Variants in DGAT1 observed in about 807,000 individuals in gnomAD.
DGAT1 encodes diacylglycerol O-acyltransferase 1, also known as ACAT related gene product 1.
DGAT1 carries 60 observed loss-of-function variants against 72.6 expected under a neutral mutation model. The observed-to-expected ratio is 0.83, with a 90% CI of 0.67 to 1.02. DGAT1 has a LOEUF of 1.02. Ranked by LOEUF, DGAT1 falls within the 50% of genes least tolerant of loss-of-function variation. The probability of loss-of-function intolerance (pLI) is 0.00; values close to 1 mark genes in which losing one functional copy is unlikely to be tolerated. For missense variants in DGAT1, 592 were observed against 670.0 expected (o/e 0.88, Z 1.29); for synonymous variants, 290 against 267.5 (o/e 1.08, Z -0.82).
chr8:144,324,736 C>G (rs1456616256), intron 1 of DGAT1, among the ~76,000 whole-genome samples: 1 of 152,104 alleles, frequency 6.6e-6, no homozygotes, highest in Non-Finnish European at 1.5e-5. Flanking sequence ...GGCGGCTTGG[C>G]CCAAAGCTGG....
At position 144,316,368 on chromosome 8, in the gene DGAT1, C is replaced by T; in HGVS notation, c.*186G>A. 1 of 739,536 alleles carries T rather than the reference C, an allele frequency of 1.4e-6. No homozygotes were observed. Among genetic ancestry groups the T allele is most frequent in the Non-Finnish European group, 2.1e-6 (1 of 469,390 alleles). The allele number at this position is 739,536 out of a possible 1,614,324, so 45.8% of individuals were successfully genotyped here. ...ACTCCCAGCTGGCATCAGACTGTGT[C>T]TGGCCTGCTGTCGCCATCCCTGAGG... On this transcript the variant is annotated 3_prime_UTR_variant, in exon 17 of 17. Coordinates refer to ENST00000528718, the MANE Select transcript of DGAT1 (RefSeq NM_012079.6).
chr8:144,325,318 G>A (rs1817571399), intron 1 of DGAT1, among the ~76,000 whole-genome samples: 1 of 152,114 alleles, frequency 6.6e-6, no homozygotes, highest in Admixed American at 6.5e-5. Context: ...GTTGCTCCAT[G>A]CCTGACTCTC....
At position 144,318,698 on chromosome 8, in the gene DGAT1, C is replaced by T; in HGVS notation, c.468+1G>A. ...ACACGGAGGTGAGGGGCACTGCTTA[C>T]CACCGCCAGGCGCTTCTCAACCTGG... is the stretch of plus-strand genomic sequence containing the variant. On this transcript the variant is annotated splice_donor_variant, in intron 5 of 16. Transcript: ENST00000528718. LOFTEE classifies it high-confidence loss of function. 1.2e-6 allele frequency: 2 copies of T among 1,608,810 alleles called. No individual in the cohort carries two copies. Among genetic ancestry groups the T allele is most frequent in the Non-Finnish European group, 1.7e-6 (2 of 1,178,140 alleles).
chr8:144,315,604 C>G lies in DGAT1; in HGVS notation c.*950G>C, dbSNP rs140520886. Reference sequence around the variant, plus strand: ...GACCTCCCGCTACCATCAAGGGGGGCCCCATCTATCCAGCTTGGTGGATTG... The same window carrying G: ...GACCTCCCGCTACCATCAAGGGGGGGCCCATCTATCCAGCTTGGTGGATTG... On this transcript the variant is annotated 3_prime_UTR_variant, in exon 17 of 17. Coordinates refer to ENST00000528718, the MANE Select transcript of DGAT1 (RefSeq NM_012079.6). 394 of 985,636 alleles carry G rather than the reference C, an allele frequency of 4.0e-4. 8 individuals are homozygous for G. The East Asian group carries it at 0.028, about 70-fold the overall frequency. The allele number at this position is 985,636 out of a possible 1,614,324, so 61.1% of individuals were successfully genotyped here.
At chr8:144,319,664 G>A (rs1022258120) in intron 2 of DGAT1, among the ~76,000 whole-genome samples, 31 of 152,140 alleles carry the variant, frequency 2.0e-4, no homozygotes, top group African/African-American at 5.6e-4. Context: ...GCTTCCTGCC[G>A]CCCTCTAAGC....
chr8:144,317,436 G>C lies in DGAT1; in HGVS notation c.991C>G (p.His331Asp). The C allele has an allele frequency of 6.2e-7, 1 of 1,613,918 alleles. No individual in the cohort carries two copies. Among genetic ancestry groups the C allele is most frequent in the Non-Finnish European group, 8.5e-7 (1 of 1,179,992 alleles). ...ERLLKLAVPNHLIWLIFFYWL... is the reference protein window; with the variant it reads ...ERLLKLAVPNDLIWLIFFYWL... ...TAGAAGAAGATGAGCCAGATGAGGT[G>C]ATTGGGGACCTGGCAGGGAGGTGGG... Residue 331 changes from histidine (H) to aspartate (D), a missense_variant, in exon 13 of 17, where the codon CAC (histidine) becomes GAC (aspartate). Physicochemically the swap from His to Asp is moderately conservative, Grantham distance 81 (BLOSUM62 -1). Transcript: ENST00000528718.
At position 144,316,702 on chromosome 8, in the gene DGAT1, A is replaced by G; in HGVS notation, c.1319T>C (p.Leu440Pro). 1 of 1,611,924 alleles carries G rather than the reference A, an allele frequency of 6.2e-7. No homozygotes were observed. The highest frequency in any genetic ancestry group is 8.5e-7 in the Non-Finnish European group (1 of 1,179,518). The change falls in exon 17 of 17, where the codon CTG (leucine) becomes CCG (proline). Residue 440 changes from leucine (L) to proline (P), a missense_variant. Coordinates refer to ENST00000528718, the MANE Select transcript of DGAT1 (RefSeq NM_012079.6). ...AFTGMMAQIP[L>P]AWFVGRFFQG... is the part of the protein sequence containing the mutation. ...GAAAAAGCGGCCCACGAACCAGGCC[A>G]GTGGGATCTAGGGAGTGAGGGGCCA...
chr8:144,314,863 G>C lies in DGAT1; in HGVS notation c.*1691C>G. 1.0e-6 allele frequency: 1 copy of C among 978,854 alleles called. No individual in the cohort carries two copies. The highest frequency in any genetic ancestry group is 1.1e-4 in the East Asian group (1 of 8,878). The allele number at this position is 978,854 out of a possible 1,614,324, so 60.6% of individuals were successfully genotyped here. On this transcript the variant is annotated 3_prime_UTR_variant, in exon 17 of 17. Coordinates refer to ENST00000528718, the MANE Select transcript of DGAT1 (RefSeq NM_012079.6). ...CTTGCAGCTAGCTCCGTGCCTGCCC[G>C]ACTCCCCAGGACCAGCATGTGCTTG...
chr8:144,322,435 T>C (rs1817484326), intron 1 of DGAT1, among the ~76,000 whole-genome samples: 1 of 152,046 alleles, frequency 6.6e-6, no homozygotes, highest in East Asian at 1.9e-4. Context: ...TCAGAGCCCC[T>C]AGGCAGGGAG....
At position 144,326,657 on chromosome 8, in the gene DGAT1, CG is replaced by C; in HGVS notation, c.-22del. 8.5e-7 allele frequency: 1 copy of C among 1,180,458 alleles called. No individual in the cohort carries two copies. The highest frequency in any genetic ancestry group is 1.0e-6 in the Non-Finnish European group (1 of 954,440). The allele number at this position is 1,180,458 out of a possible 1,614,324, so 73.1% of individuals were successfully genotyped here. On this transcript the variant is annotated 5_prime_UTR_variant, in exon 1 of 17. Transcript: ENST00000528718. ...CCCATGGCCTCAGCCCGCACCCGGC[CG>C]CAGCCAAGCGTGGGCCCGCCGGGTT...
At position 144,326,585 on chromosome 8, in the gene DGAT1, T is replaced by A. The variant is rs782451896; in HGVS notation, c.52A>T (p.Ser18Cys). 137 of 1,241,946 alleles carry A rather than the reference T, an allele frequency of 1.1e-4. 1 individual carries two copies. The South Asian group carries it at 3.4e-3, about 31-fold the overall frequency. The allele number at this position is 1,241,946 out of a possible 1,614,324, so 76.9% of individuals were successfully genotyped here. A position where few individuals can be genotyped will look rare whatever the true frequency, so the allele number is the denominator to read the frequency against. ...GCCGCAGGCCCGCCGCCGCCGTGGC[T>A]CGAGGGCCGCGACCCTGTCCTCCGG... ...RRRRTGSRPS[S>C]HGGGGPAAAE... The change falls in exon 1 of 17, where the codon AGC (serine) becomes TGC (cysteine). Residue 18 changes from serine (S) to cysteine (C), a missense_variant. Coordinates refer to ENST00000528718, the MANE Select transcript of DGAT1 (RefSeq NM_012079.6).
chr8:144,324,635 C>A (rs1554848578), intron 1 of DGAT1, among the ~76,000 whole-genome samples: 1 of 152,186 alleles, frequency 6.6e-6, no homozygotes, highest in Non-Finnish European at 1.5e-5. Context: ...CCCACGAGCT[C>A]TGCACCCATC....
At chr8:144,322,252 G>A (rs1455007470) in intron 1 of DGAT1, among the ~76,000 whole-genome samples, 1 of 152,172 alleles carries the variant, frequency 6.6e-6, no homozygotes, top group African/African-American at 2.4e-5. Context: ...GCTTGGCCAG[G>A]CCCCCACACG....
At position 144,314,904 on chromosome 8, in the gene DGAT1, G is replaced by T; in HGVS notation, c.*1650C>A. On this transcript the variant is annotated 3_prime_UTR_variant, in exon 17 of 17. Transcript: ENST00000528718. ...CATGTGCTTGCAGTTCTTTATTGAG[G>T]GACCAGGGGTGGGCGCCTCACCTTG... The T allele has an allele frequency of 2.0e-6, 2 of 986,760 alleles. No individual in the cohort carries two copies. Among genetic ancestry groups the T allele is most frequent in the Non-Finnish European group, 2.4e-6 (2 of 830,808 alleles). The allele number at this position is 986,760 out of a possible 1,614,324, so 61.1% of individuals were successfully genotyped here. A position where few individuals can be genotyped will look rare whatever the true frequency, so the allele number is the denominator to read the frequency against.
intron 6 of DGAT1, 47 bp from the exon 7 acceptor site, chr8:144,318,409 C>T (rs1554847606): frequency 6.2e-7 from 1 of 1,609,706 alleles, no homozygotes; most frequent in Admixed American, 1.7e-5. Context: ...CAGCCGGAGG[C>T]CATGCCCGTG....
intron 2 of DGAT1, among the ~76,000 whole-genome samples, chr8:144,319,475 CAGGCCTGCCCAGGG>C (rs1415443453): frequency 6.6e-6 from 1 of 152,358 alleles, no homozygotes; most frequent in Non-Finnish European, 1.5e-5. Context: ...CCCCAGAATA[CAGGCCTGCCCAGGG>C]AGGCCTGCCC....
intron 2 of DGAT1, among the ~76,000 whole-genome samples, chr8:144,320,848 G>A (rs2130533011): frequency 6.6e-6 from 1 of 152,244 alleles, no homozygotes; most frequent in East Asian, 1.9e-4. Context: ...CAGAGGCCAT[G>A]TGGCGTAGCA....
At chr8:144,319,154 G>A (rs1234626146) in intron 2 of DGAT1, 86 bp from the exon 3 acceptor site, 15 of 1,475,780 alleles carry the variant, frequency 1.0e-5, no homozygotes, top group African/African-American at 5.6e-5. Flanking sequence ...CTCTGGGCAC[G>A]TCCCAGCCCG....
rs2130507546 is a variant in DGAT1 at position 144,316,397 on chromosome 8, G to A, written c.*157C>T. 1.1e-5 allele frequency: 10 copies of A among 933,726 alleles called. No homozygotes were observed. Among genetic ancestry groups the A allele is most frequent in the Non-Finnish European group, 1.6e-5 (10 of 641,124 alleles). 57.8% of individuals were successfully genotyped at this position (933,726 alleles called of 1,614,324 possible). ...CCTGCTGTCGCCATCCCTGAGGGGT[G>A]CAGGACAGAGCCCCATAGGGGCAGA... is the stretch of plus-strand genomic sequence containing the variant. On this transcript the variant is annotated 3_prime_UTR_variant, in exon 17 of 17. Coordinates refer to ENST00000528718, the MANE Select transcript of DGAT1 (RefSeq NM_012079.6).
Sources: gnomAD v4.1 joint callset for allele counts (sites outside exome capture counted in the v4.1 genomes callset) on GRCh38, gnomAD v4.1.1 for gene constraint, MANE v1.5 for transcripts, NCBI Gene and HGNC (gene_info 2026-07-23, HGNC 2026-07-21) for gene names.